PCDHGA4: variants seen among roughly 807,000 people sequenced by gnomAD.
PCDHGA4 encodes the protein protocadherin gamma subfamily A, 4, also known as protocadherin gamma-A4.
In PCDHGA4, 38 loss-of-function variants were observed where a neutral mutation model predicts 54.6. The ratio of observed to expected loss-of-function variants is 0.70; its 90% CI spans 0.54 to 0.91. The LOEUF is 0.91. PCDHGA4 is among the 40% of genes least tolerant of loss of function. The pLI, the probability that PCDHGA4 is intolerant of heterozygous loss-of-function variation, is 0.00. For synonymous variants in PCDHGA4, 511 were observed against 512.9 expected, an observed-to-expected ratio of 1.00 and a Z score of 0.05; for missense variants, 1,298 against 1,220.9, an observed-to-expected ratio of 1.06 and a Z score of -0.94.
At chr5:141,385,826 TTACAG>T (rs2090363283) in intron 1 of PCDHGA4, 1 of 155,578 alleles carries the variant, frequency 6.4e-6, no homozygotes, top group Non-Finnish European at 1.4e-5. Flanking sequence ...CTTGACCTAT[TTACAG>T]TATAATCATT....
Position 141,487,071 on chromosome 5 carries a change from C to A in PCDHGA4, c.2515-7736C>A. On this transcript the variant is annotated intron_variant, in intron 1 of 3. Coordinates refer to ENST00000571252, the MANE Select transcript of PCDHGA4 (RefSeq NM_018917.4). The surrounding 1 kb of genome is among the most constrained non-coding windows in gnomAD (Gnocchi z 5.0). ...GCTGGGGAGGTGCGGACGGCTGTTC[C>A]TATCCCAGCTGACCTCCCACCACAG... is the stretch of plus-strand genomic sequence containing the variant. The A allele has an allele frequency of 6.2e-7, 1 of 1,614,148 alleles. No individual in the cohort carries two copies. Among genetic ancestry groups the A allele is most frequent in the Non-Finnish European group, 8.5e-7 (1 of 1,180,002 alleles).
At position 141,449,274 on chromosome 5, in the gene PCDHGA4, T is replaced by C. The variant is rs569352843; in HGVS notation, c.2515-45533T>C. 3.9e-5 allele frequency among the ~76,000 whole-genome samples: 6 copies of C among 152,260 alleles called. No individual in the cohort carries two copies. In the East Asian group the frequency reaches 1.2e-3, roughly 29 times the overall value. On this transcript the variant is annotated intron_variant, in intron 1 of 3. Transcript: ENST00000571252. ...GAATTGTACAAAGAACTGTATCTCC[T>C]TCACCCGGATGCACCGGGTGAATTA...
chr5:141,371,736 A>T (rs777064173), intron 1 of PCDHGA4: 4 of 1,614,042 alleles, frequency 2.5e-6, no homozygotes, highest in Non-Finnish European at 3.4e-6. Context: ...TGTCAACGAC[A>T]ACGTTCCCGT....
At chr5:141,503,745 G>A (rs1377110427) in intron 2 of PCDHGA4, among the ~76,000 whole-genome samples, 3 of 152,220 alleles carry the variant, frequency 2.0e-5, no homozygotes, top group South Asian at 2.1e-4. Flanking sequence ...ATGGTATAGA[G>A]GTCACACATG....
chr5:141,357,481 G>C lies in PCDHGA4; in HGVS notation c.2374G>C (p.Ala792Pro). The C allele has an allele frequency of 6.2e-7, 1 of 1,614,224 alleles. No homozygotes were observed. Among genetic ancestry groups the C allele is most frequent in the Non-Finnish European group, 8.5e-7 (1 of 1,180,046 alleles). ...QTYSHEVSLT[A>P]DSRKSHLIFS... ...CTATTCCCACGAGGTCTCCCTCACCGCGGACTCGCGGAAGAGTCACCTGAT... is the reference window on the plus strand; with the variant it reads ...CTATTCCCACGAGGTCTCCCTCACCCCGGACTCGCGGAAGAGTCACCTGAT... Residue 792 changes from alanine to proline, a missense_variant, in exon 1 of 4, where the codon GCG (alanine) becomes CCG (proline). Coordinates refer to ENST00000571252, the MANE Select transcript of PCDHGA4 (RefSeq NM_018917.4).
chr5:141,371,147 T>G (rs1383396635), intron 1 of PCDHGA4: 1 of 1,614,026 alleles, frequency 6.2e-7, no homozygotes, highest in South Asian at 1.1e-5. Context: ...GGGTCAATGT[T>G]GCAGAGAACC....
intron 1 of PCDHGA4, among the ~76,000 whole-genome samples, chr5:141,446,167 G>A (rs1357034077): frequency 6.6e-6 from 1 of 152,188 alleles, no homozygotes; most frequent in African/African-American, 2.4e-5. Flanking sequence ...ATTTCATGAG[G>A]GCAGGGGGTG....
In PCDHGA4 at chr5:141,367,047, A is replaced by G. The variant is rs866542840; in HGVS notation, c.2514+9426A>G. Reference sequence around the variant, plus strand: ...ATTGGAACTGCAGTTCTATTAATAGAAAAGATGTTTTATTTATTCAAATTG... The same window carrying G: ...ATTGGAACTGCAGTTCTATTAATAGGAAAGATGTTTTATTTATTCAAATTG... On this transcript the variant is annotated intron_variant, in intron 1 of 3. Coordinates refer to ENST00000571252, the MANE Select transcript of PCDHGA4 (RefSeq NM_018917.4). 8 of 336,290 alleles carry G rather than the reference A, an allele frequency of 2.4e-5. No individual in the cohort carries two copies. In the Middle Eastern group the frequency reaches 2.8e-3, roughly 116 times the overall value. 20.8% of individuals were successfully genotyped at this position (336,290 alleles called of 1,614,324 possible).
At chr5:141,451,484 G>A (rs2098717067) in intron 1 of PCDHGA4, among the ~76,000 whole-genome samples, 1 of 152,194 alleles carries the variant, frequency 6.6e-6, no homozygotes, top group Admixed American at 6.5e-5. Flanking sequence ...CTTGCCATGT[G>A]GACCTCCATA....
chr5:141,441,057 A>T (rs2098222263), intron 1 of PCDHGA4: 2 of 152,152 alleles, frequency 1.3e-5, no homozygotes, highest in South Asian at 4.1e-4. Flanking sequence ...ACTTTTAAAG[A>T]TTTTTAATTT....
rs535194185 is a variant in PCDHGA4, at chr5:141,485,480, A to C, written c.2515-9327A>C. 6.2e-7 allele frequency: 1 copy of C among 1,614,154 alleles called. No individual in the cohort carries two copies. The highest frequency in any genetic ancestry group is 1.7e-5 in the Admixed American group (1 of 60,020). On this transcript the variant is annotated intron_variant, in intron 1 of 3. Coordinates refer to ENST00000571252, the MANE Select transcript of PCDHGA4 (RefSeq NM_018917.4). This position sits in a 1 kb window ranked among gnomAD's most constrained non-coding sequence, Gnocchi z 5.7. The stretch of plus-strand genomic sequence containing the variant: ...ACTGTGTGGGCTCAGTGCCAGCTGC[A>C]TCGTGCCCCTGGAGTTTGTCACCGA...
At position 141,357,171 on chromosome 5, in the gene PCDHGA4, C is replaced by G. The variant is rs1043830490; in HGVS notation, c.2064C>G (p.Thr688=). The change falls in exon 1 of 4, where the codon ACC becomes ACG. Residue 688 remains threonine, a synonymous_variant. Coordinates refer to ENST00000571252, the MANE Select transcript of PCDHGA4 (RefSeq NM_018917.4). ...QDHGQPPLSA[T]VTLTVAVADS... The stretch of plus-strand genomic sequence containing the variant: ...ATGGCCAGCCCCCTCTCTCGGCCAC[C>G]GTCACACTCACTGTGGCTGTGGCCG... 6.2e-7 allele frequency: 1 copy of G among 1,613,704 alleles called. No individual in the cohort carries two copies. The highest frequency in any genetic ancestry group is 2.2e-5 in the East Asian group (1 of 44,880).
At chr5:141,442,358 A>C (rs2098318223) in intron 1 of PCDHGA4, 1 of 152,304 alleles carries the variant, frequency 6.6e-6, no homozygotes, top group African/African-American at 2.4e-5. Context: ...CTGTAGCTCT[A>C]TGATGCCATA....
chr5:141,495,005 C>T (rs555909709), intron 2 of PCDHGA4, 140 bp downstream of exon 2: 1,141 of 1,522,692 alleles, frequency 7.5e-4, no homozygotes, highest in Non-Finnish European at 8.4e-4. Context: ...TCTTGGTGTG[C>T]GGGGGGCTGG....
chr5:141,484,845 G>T (rs541372844), intron 1 of PCDHGA4, among the ~76,000 whole-genome samples: 10 of 152,076 alleles, frequency 6.6e-5, no homozygotes, highest in Admixed American at 2.6e-4. Flanking sequence ...GATAGGCTGG[G>T]TTTTTTGGGG....
intron 1 of PCDHGA4, chr5:141,402,820 C>T: frequency 1.6e-6 from 2 of 1,288,164 alleles, no homozygotes; most frequent in Admixed American, 3.0e-5. Context: ...CACAAACCTG[C>T]TCCCAGGCTG....
rs775489120 is a variant in PCDHGA4 at position 141,418,594 on chromosome 5, C to T, written c.2514+60973C>T. ...ACAACCCCCCAGTGTTCAGCCAGGA[C>T]GTGTACAGGGTTAGCCTTCGGGAAG... On this transcript the variant is annotated intron_variant, in intron 1 of 3. Coordinates refer to ENST00000571252, the MANE Select transcript of PCDHGA4 (RefSeq NM_018917.4). The T allele has an allele frequency of 3.1e-6, 5 of 1,614,022 alleles. No individual in the cohort carries two copies. In the Admixed American group the frequency reaches 8.3e-5, roughly 27 times the overall value.
intron 1 of PCDHGA4, chr5:141,399,826 G>C (rs2093897872): frequency 1.2e-6 from 2 of 1,613,066 alleles, no homozygotes; most frequent in Non-Finnish European, 1.7e-6. Context: ...GGGTCCCGAC[G>C]GCTCTGCGCT....
chr5:141,422,275 A>G (rs367711513), intron 1 of PCDHGA4: 6 of 1,560,374 alleles, frequency 3.8e-6, no homozygotes, highest in East Asian at 2.2e-5. Flanking sequence ...AGAAATAACT[A>G]TCACCTCTTC....
Sources: allele counts gnomAD v4.1 joint callset (sites outside exome capture counted in the v4.1 genomes callset), GRCh38; gene constraint gnomAD v4.1.1; non-coding constraint Gnocchi (gnomAD v3.1); transcripts MANE v1.5; gene names NCBI Gene and HGNC (gene_info 2026-07-23, HGNC 2026-07-21).